ROBO2: variants seen among roughly 807,000 people sequenced by gnomAD.
The protein encoded by ROBO2 is roundabout guidance receptor 2, also known as roundabout homolog 2.
Under a neutral mutation model 160.8 loss-of-function variants are expected in ROBO2, and 53 were observed. The observed-to-expected ratio is 0.33, with a 90% CI of 0.26 to 0.41. The LOEUF is 0.41. Among genes scored for constraint, ROBO2 ranks in the 10% least tolerant of loss-of-function variants. The probability of loss-of-function intolerance (pLI) is 1.00; values close to 1 mark genes in which losing one functional copy is unlikely to be tolerated. For synonymous variants in ROBO2, 664 were observed against 611.7 expected (o/e 1.09, Z -1.26); for missense variants, 1,577 against 1,722.4 (o/e 0.92, Z 1.49).
chr3:76,986,805 C>A (rs762709244), intron 2 of ROBO2, among the ~76,000 whole-genome samples: 1 of 151,884 alleles, frequency 6.6e-6, no homozygotes, highest in Non-Finnish European at 1.5e-5. Flanking sequence ...ATATTACATG[C>A]GTATACATAA....
At chr3:76,616,656 T>A (rs543772364) in intron 2 of ROBO2, among the ~76,000 whole-genome samples, 3 of 152,362 alleles carry the variant, frequency 2.0e-5, no homozygotes, top group African/African-American at 4.8e-5. Context: ...TCACACGAAC[T>A]GTGCTTACTC....
intron 2 of ROBO2, among the ~76,000 whole-genome samples, chr3:76,180,512 ACTTTGGTAT>A (rs1327738184): frequency 6.6e-6 from 1 of 152,102 alleles, no homozygotes; most frequent in Non-Finnish European, 1.5e-5. Flanking sequence ...TCAAGTAGAA[ACTTTGGTAT>A]CTTTGAAGTC....
chr3:77,294,367 CG>C (rs2061759006), intron 2 of ROBO2, among the ~76,000 whole-genome samples: 1 of 139,844 alleles, frequency 7.2e-6, no homozygotes, highest in African/African-American at 2.9e-5. Flanking sequence ...GATGGTTAAA[CG>C]GGTAAGCTGA....
chr3:76,448,022 C>T (rs1052575821), intron 2 of ROBO2, among the ~76,000 whole-genome samples: 2 of 150,568 alleles, frequency 1.3e-5, no homozygotes, highest in East Asian at 2.0e-4. Context: ...TGTACATGTA[C>T]CCTAGAACTT....
At chr3:76,949,211 C>T (rs891545277) in intron 2 of ROBO2, among the ~76,000 whole-genome samples, 4 of 151,778 alleles carry the variant, frequency 2.6e-5, no homozygotes, top group African/African-American at 9.7e-5. Context: ...TTAATTCTGC[C>T]GTATGCTGTG....
At chr3:76,149,128 T>G (rs2106824952) in intron 2 of ROBO2, among the ~76,000 whole-genome samples, 1 of 152,132 alleles carries the variant, frequency 6.6e-6, no homozygotes, top group Middle Eastern at 3.4e-3. Flanking sequence ...TTTAATTTTC[T>G]TCCACCATAT....
At chr3:76,741,348 G>C (rs955596957) in intron 2 of ROBO2, among the ~76,000 whole-genome samples, 1 of 152,030 alleles carries the variant, frequency 6.6e-6, no homozygotes, top group African/African-American at 2.4e-5. Context: ...AACATCCAAA[G>C]TTTTAAGTAA....
chr3:77,605,756 T>A (rs2153694854), intron 20 of ROBO2, among the ~76,000 whole-genome samples: 1 of 152,328 alleles, frequency 6.6e-6, no homozygotes, highest in African/African-American at 2.4e-5. Flanking sequence ...ACACTCAGAA[T>A]GAACCTCAGT....
chr3:77,025,896 T>C (rs1471921008), intron 2 of ROBO2, among the ~76,000 whole-genome samples: 1 of 152,192 alleles, frequency 6.6e-6, no homozygotes, highest in Non-Finnish European at 1.5e-5. Context: ...CTCAACACTA[T>C]CAACAGGCAG....
rs1251662178 is a variant in ROBO2 at position 77,473,642 on chromosome 3, C to G, written c.389-3772C>G. ...CTAATTTTTTTTGGTATTTTTAGTA[C>G]AGACGGGGTTTCACCGTGTTAGCCA... is the stretch of plus-strand genomic sequence containing the variant. On this transcript the variant is annotated intron_variant, in intron 2 of 25. Transcript: ENST00000461745. Among the ~76,000 whole-genome samples, 10 of 151,566 alleles carry G rather than the reference C, an allele frequency of 6.6e-5. No individual in the cohort carries two copies. In the South Asian group the frequency reaches 8.5e-4, roughly 13 times the overall value.
At chr3:77,624,254 A>T (rs888810036) in intron 23 of ROBO2, among the ~76,000 whole-genome samples, 13 of 152,188 alleles carry the variant, frequency 8.5e-5, no homozygotes, top group Admixed American at 5.9e-4. Context: ...TTCCACAATA[A>T]CTTTGTGGAG....
chr3:76,327,164 T>C (rs2073098816), intron 2 of ROBO2, among the ~76,000 whole-genome samples: 1 of 152,120 alleles, frequency 6.6e-6, no homozygotes, highest in South Asian at 2.1e-4. Context: ...CCAATTTACA[T>C]GCCAAACTGA....
intron 2 of ROBO2, among the ~76,000 whole-genome samples, chr3:77,311,052 T>C (rs925194977): frequency 1.3e-5 from 2 of 152,174 alleles, no homozygotes; most frequent in African/African-American, 4.8e-5. Context: ...TTAAATTTAT[T>C]TTCTGGCTCA....
intron 2 of ROBO2, among the ~76,000 whole-genome samples, chr3:76,402,322 A>G (rs560130458): frequency 3.6e-4 from 54 of 151,648 alleles, no homozygotes; most frequent in African/African-American, 1.3e-3. Flanking sequence ...TAACTTGGCA[A>G]TTGTGTAGGA....
intron 2 of ROBO2, among the ~76,000 whole-genome samples, chr3:76,107,510 C>T (rs1226471268): frequency 6.6e-6 from 1 of 152,100 alleles, no homozygotes; most frequent in Non-Finnish European, 1.5e-5. Flanking sequence ...CTTTTTAAAA[C>T]TCCTTTTTTT....
intron 2 of ROBO2, among the ~76,000 whole-genome samples, chr3:76,406,439 A>G (rs2078128355): frequency 6.6e-6 from 1 of 151,858 alleles, no homozygotes; most frequent in African/African-American, 2.4e-5. Flanking sequence ...TAGTCCTTGT[A>G]TGGATAGCAG....
At chr3:77,073,796 A>G (rs1021509177) in intron 1 of ROBO2, among the ~76,000 whole-genome samples, 7 of 152,146 alleles carry the variant, frequency 4.6e-5, no homozygotes, top group African/African-American at 1.7e-4. Flanking sequence ...TGACCCTCAC[A>G]CTGAAGGTGA....
chr3:76,089,962 T>G (rs1165927541), intron 2 of ROBO2, among the ~76,000 whole-genome samples: 2 of 152,076 alleles, frequency 1.3e-5, no homozygotes, highest in Non-Finnish European at 2.9e-5. Context: ...GGAATATTAG[T>G]GATTATAGAA....
chr3:77,022,556 C>A (rs2062704690), intron 2 of ROBO2, among the ~76,000 whole-genome samples: 1 of 152,158 alleles, frequency 6.6e-6, no homozygotes, highest in African/African-American at 2.4e-5. Flanking sequence ...CATTCTTCAT[C>A]AAACTTAAAC....
Sources: gnomAD v4.1 joint callset for allele counts (sites outside exome capture counted in the v4.1 genomes callset) on GRCh38, gnomAD v4.1.1 for gene constraint, MANE v1.5 for transcripts, NCBI Gene and HGNC (gene_info 2026-07-23, HGNC 2026-07-21) for gene names.